Variants in KIF26B observed in about 807,000 individuals in gnomAD.
KIF26B encodes kinesin-like protein KIF26B.
A neutral mutation model predicts 151.2 loss-of-function variants in KIF26B; 63 were observed. The observed-to-expected ratio is 0.42, with a 90% CI of 0.34 to 0.51. The LOEUF is 0.51. Ranked by LOEUF, KIF26B falls within the 20% of genes least tolerant of loss-of-function variation. The pLI, the probability that KIF26B is intolerant of heterozygous loss-of-function variation, is 0.07. For missense variants in KIF26B, 2,813 were observed against 2,913.6 expected (o/e 0.97, Z 0.79); for synonymous variants, 1,357 against 1,262.1 (o/e 1.08, Z -1.59).
Position 245,685,860 on chromosome 1 carries a change from A to C in KIF26B, c.2877A>C (p.Ala959=), listed in dbSNP as rs778772154. ...CTGCTCAGTTTGGGCCAGAGCAGGCAAGCAGAGGCCCCCGGTTAAGCCAAG... is the reference window on the plus strand; with the variant it reads ...CTGCTCAGTTTGGGCCAGAGCAGGCCAGCAGAGGCCCCCGGTTAAGCCAAG... ...ELPAQFGPEQ[A]SRGPRLSQAA... The change falls in exon 12 of 15, where the codon GCA becomes GCC. Residue 959 remains alanine (A), a synonymous_variant. Transcript: ENST00000407071. 1.2e-6 allele frequency: 2 copies of C among 1,612,858 alleles called. No individual in the cohort carries two copies. Among genetic ancestry groups the C allele is most frequent in the Admixed American group, 1.7e-5 (1 of 59,988 alleles).
chr1:245,582,077 C>A (rs1275082686), intron 5 of KIF26B, among the ~76,000 whole-genome samples: 1 of 152,232 alleles, frequency 6.6e-6, no homozygotes, highest in Non-Finnish European at 1.5e-5. Flanking sequence ...CAGGCAACTG[C>A]TGAGACTTGA....
At chr1:245,246,352 T>C (rs1670330681) in intron 2 of KIF26B, among the ~76,000 whole-genome samples, 1 of 152,332 alleles carries the variant, frequency 6.6e-6, no homozygotes, top group South Asian at 2.1e-4. Context: ...GTTGTCTTCA[T>C]CATCCTCGTC....
At chr1:245,660,839 G>A (rs10924291) in intron 10 of KIF26B, among the ~76,000 whole-genome samples, 109,406 of 151,990 alleles carry the variant, frequency 0.72, 39,682 homozygotes, top group East Asian at 0.82. Context: ...TTTTTGAGAC[G>A]GGGTCTCATT....
chr1:245,380,444 G>T (rs546306053), intron 3 of KIF26B, among the ~76,000 whole-genome samples: 1 of 152,304 alleles, frequency 6.6e-6, no homozygotes, highest in African/African-American at 2.4e-5. Flanking sequence ...GCTCCCCACC[G>T]TCCATTAGGC....
intron 5 of KIF26B, among the ~76,000 whole-genome samples, chr1:245,566,924 C>T (rs2043015622): frequency 6.7e-6 from 1 of 148,594 alleles, no homozygotes; most frequent in Non-Finnish European, 1.5e-5. Context: ...GAGACTCCAA[C>T]TAAAATAAAT....
chr1:245,293,809 C>T (rs992655289), intron 2 of KIF26B, among the ~76,000 whole-genome samples: 11 of 152,236 alleles, frequency 7.2e-5, no homozygotes, highest in African/African-American at 2.4e-4. Flanking sequence ...AACTTCCAAC[C>T]TCAGGTGATC....
At chr1:245,517,220 G>A (rs530973037) in intron 4 of KIF26B, among the ~76,000 whole-genome samples, 1 of 152,224 alleles carries the variant, frequency 6.6e-6, no homozygotes, top group African/African-American at 2.4e-5. Flanking sequence ...TTAGCCGGGC[G>A]TGGTGACACG....
At chr1:245,521,146 G>A (rs1162907046) in intron 4 of KIF26B, among the ~76,000 whole-genome samples, 1 of 152,098 alleles carries the variant, frequency 6.6e-6, no homozygotes, top group Admixed American at 6.6e-5. Flanking sequence ...GACCATCCTG[G>A]CTAACACGGT....
At chr1:245,514,584 G>C (rs555375639) in intron 4 of KIF26B, among the ~76,000 whole-genome samples, 70 of 151,924 alleles carry the variant, frequency 4.6e-4, no homozygotes, top group Admixed American at 1.1e-3. Flanking sequence ...TATAATGAAG[G>C]TTTTTAAAAA....
At chr1:245,383,953 C>G (rs951454852) in intron 3 of KIF26B, among the ~76,000 whole-genome samples, 7 of 152,174 alleles carry the variant, frequency 4.6e-5, no homozygotes, top group African/African-American at 1.7e-4. Context: ...GTTGAAATGG[C>G]CTTTCCTTTG....
chr1:245,227,372 GC>G lies in KIF26B; in HGVS notation c.465+70691del, dbSNP rs1316356089. ...GATGTAGCACAGGTTGATGGGGTAAGCCAGTGTAACATGGAAACCCACTGGC... is the reference window on the plus strand; with the variant it reads ...GATGTAGCACAGGTTGATGGGGTAAGCAGTGTAACATGGAAACCCACTGGC... On this transcript the variant is annotated intron_variant, in intron 2 of 14. Coordinates refer to ENST00000407071, the MANE Select transcript of KIF26B (RefSeq NM_018012.4). The surrounding 1 kb of genome is among the most constrained non-coding windows in gnomAD (Gnocchi z 4.1). Among the ~76,000 whole-genome samples, 1 of 152,228 alleles carries G rather than the reference GC, an allele frequency of 6.6e-6. No homozygotes were observed. Among genetic ancestry groups the G allele is most frequent in the Admixed American group, 6.5e-5 (1 of 15,286 alleles).
At chr1:245,697,660 G>T (rs2044712667) in intron 12 of KIF26B, among the ~76,000 whole-genome samples, 1 of 152,024 alleles carries the variant, frequency 6.6e-6, no homozygotes, top group South Asian at 2.1e-4. Context: ...GGAAGTGGGA[G>T]TGTTTAGCCC....
Position 245,315,646 on chromosome 1 carries a change from C to A in KIF26B, c.466-51188C>A, listed in dbSNP as rs367737196. Among the ~76,000 whole-genome samples, 187 of 150,570 alleles carry A rather than the reference C, an allele frequency of 1.2e-3. 1 individual carries two copies. The highest frequency in any genetic ancestry group is 3.8e-3 in the African/African-American group (154 of 40,904). On this transcript the variant is annotated intron_variant, in intron 2 of 14. Coordinates refer to ENST00000407071, the MANE Select transcript of KIF26B (RefSeq NM_018012.4). ...CTAAGGCAGGAGACTCTCCTGAACT[C>A]AGGAGGCGGAGGTTGCAGTGAGCCA... is the stretch of plus-strand genomic sequence containing the variant.
At chr1:245,682,177 G>A (rs974374739) in intron 10 of KIF26B, among the ~76,000 whole-genome samples, 24 of 152,190 alleles carry the variant, frequency 1.6e-4, no homozygotes, top group African/African-American at 5.3e-4. Flanking sequence ...CCTGGGAGGC[G>A]GAGATTGCAG....
intron 3 of KIF26B, among the ~76,000 whole-genome samples, chr1:245,396,931 G>A (rs1673859651): frequency 2.0e-5 from 3 of 151,148 alleles, no homozygotes; most frequent in African/African-American, 7.3e-5. Flanking sequence ...AACTGTCTAA[G>A]ATTTTCATTT....
At chr1:245,300,934 G>A (rs1432897869) in intron 2 of KIF26B, among the ~76,000 whole-genome samples, 3 of 151,088 alleles carry the variant, frequency 2.0e-5, no homozygotes, top group Non-Finnish European at 4.4e-5. Context: ...GGGTTCAAGC[G>A]ATTCTCCTGC....
intron 2 of KIF26B, among the ~76,000 whole-genome samples, chr1:245,162,240 C>T (rs1473039844): frequency 6.6e-6 from 1 of 152,218 alleles, no homozygotes; most frequent in Admixed American, 6.5e-5. Flanking sequence ...TTACCACTCT[C>T]TGCAGTCACA....
chr1:245,661,959 C>G (rs2044147799), intron 10 of KIF26B, among the ~76,000 whole-genome samples: 1 of 69,210 alleles, frequency 1.4e-5, no homozygotes, highest in African/African-American at 5.9e-5. Flanking sequence ...ATACACACAC[C>G]CCATATATAT....
rs1573771879 is a variant in KIF26B, at chr1:245,318,032, C to T, written c.466-48802C>T. ...TCACCTGATTTCCAGGTTAGTGCAG[C>T]GCCTGACCTCTCTCCAGAGGCACCC... On this transcript the variant is annotated intron_variant, in intron 2 of 14. Transcript: ENST00000407071. The surrounding 1 kb of genome is among the most constrained non-coding windows in gnomAD (Gnocchi z 4.0). 1.3e-5 allele frequency among the ~76,000 whole-genome samples: 2 copies of T among 152,310 alleles called. No individual in the cohort carries two copies. Among genetic ancestry groups the T allele is most frequent in the East Asian group, 3.9e-4 (2 of 5,190 alleles).
Sources: gnomAD v4.1 joint callset for allele counts (sites outside exome capture counted in the v4.1 genomes callset) on GRCh38, gnomAD v4.1.1 for gene constraint, Gnocchi (gnomAD v3.1) non-coding constraint, MANE v1.5 for transcripts, NCBI Gene and HGNC (gene_info 2026-07-23, HGNC 2026-07-21) for gene names.